GLDC: variants seen among roughly 807,000 people sequenced by gnomAD.
GLDC encodes the protein glycine decarboxylase.
Under a neutral mutation model 121.3 loss-of-function variants are expected in GLDC, and 104 were observed. That is an observed-to-expected ratio of 0.86 (90% confidence interval 0.73 to 1.01). The LOEUF is 1.01. Among genes scored for constraint, GLDC ranks in the 50% least tolerant of loss-of-function variants. GLDC has a pLI of 0.00. For synonymous variants in GLDC, 546 were observed against 480.6 expected, an observed-to-expected ratio of 1.14 and a Z score of -1.78; for missense variants, 1,429 against 1,306.6, an observed-to-expected ratio of 1.09 and a Z score of -1.44.
intron 15 of GLDC, among the ~76,000 whole-genome samples, chr9:6,579,606 A>T (rs567620291): frequency 2.2e-4 from 34 of 151,974 alleles, no homozygotes; most frequent in Non-Finnish European, 4.1e-4. Context: ...TGATCCTCCT[A>T]TCTCAGCCTC....
intron 15 of GLDC, among the ~76,000 whole-genome samples, chr9:6,573,247 G>C (rs1452869788): frequency 6.6e-6 from 1 of 151,994 alleles, no homozygotes; most frequent in East Asian, 1.9e-4. Flanking sequence ...GATCACCTGA[G>C]GTCAGGAGTT....
chr9:6,595,860 C>T (rs890039354), intron 8 of GLDC, among the ~76,000 whole-genome samples: 1 of 152,142 alleles, frequency 6.6e-6, no homozygotes, highest in Non-Finnish European at 1.5e-5. Flanking sequence ...AATACTGGGT[C>T]CATTTTGTTA....
At chr9:6,630,614 C>A (rs1289994252) in intron 2 of GLDC, among the ~76,000 whole-genome samples, 1 of 152,122 alleles carries the variant, frequency 6.6e-6, no homozygotes, top group Non-Finnish European at 1.5e-5. Context: ...AAAGCTGGGG[C>A]CAGAATGTGA....
rs1404757878 is a variant in GLDC at position 6,565,509 on chromosome 9, C to T, written c.1851-80G>A. 3 of 1,066,234 alleles carry T rather than the reference C, an allele frequency of 2.8e-6. No homozygotes were observed. The South Asian group carries it at 3.8e-5, about 13-fold the overall frequency. 66.0% of individuals were successfully genotyped at this position (1,066,234 alleles called of 1,614,324 possible). ...TCATTCAATATTTATTGGGCCCTGG[C>T]CAGGGGTTCACCAGCACGTGACACA... is the stretch of plus-strand genomic sequence containing the variant. On this transcript the variant is annotated intron_variant, in intron 15 of 24. Transcript: ENST00000321612.
intron 15 of GLDC, among the ~76,000 whole-genome samples, chr9:6,586,220 A>G (rs1436490671): frequency 6.6e-6 from 1 of 152,132 alleles, no homozygotes; most frequent in Non-Finnish European, 1.5e-5. Flanking sequence ...TCTTGAATGC[A>G]GGAGGCAGAG....
At chr9:6,572,336 G>A (rs1250583624) in intron 15 of GLDC, among the ~76,000 whole-genome samples, 1 of 152,210 alleles carries the variant, frequency 6.6e-6, no homozygotes, top group Non-Finnish European at 1.5e-5. Context: ...TGGACATGCT[G>A]TCAATGTGCT....
chr9:6,614,223 C>A (rs1818923473), intron 3 of GLDC, among the ~76,000 whole-genome samples: 1 of 151,756 alleles, frequency 6.6e-6, no homozygotes, highest in Non-Finnish European at 1.5e-5. Context: ...TATTAAGAAG[C>A]ACTGGCTTTT....
At chr9:6,607,565 G>C (rs1415070590) in intron 4 of GLDC, among the ~76,000 whole-genome samples, 4 of 152,138 alleles carry the variant, frequency 2.6e-5, no homozygotes, top group African/African-American at 9.7e-5. Context: ...CTAGGCCACA[G>C]AGCGAGACTC....
chr9:6,554,892 A>G, intron 18 of GLDC, 111 bp from the exon 19 acceptor site: 2 of 777,550 alleles, frequency 2.6e-6, no homozygotes, highest in East Asian at 2.7e-5. Context: ...AAAAGCAGGC[A>G]GAGCCACATC....
intron 8 of GLDC, among the ~76,000 whole-genome samples, chr9:6,598,556 G>C (rs567693070): frequency 6.6e-6 from 1 of 152,308 alleles, no homozygotes; most frequent in African/African-American, 2.4e-5. Flanking sequence ...TACAACAGAA[G>C]GCGGGGGTCA....
chr9:6,589,127 G>T, intron 12 of GLDC, 68 bp downstream of exon 12: 1 of 950,900 alleles, frequency 1.1e-6, no homozygotes, highest in Non-Finnish European at 1.7e-6. Flanking sequence ...ATCAGCAGCA[G>T]CACTCTGCCT....
intron 15 of GLDC, among the ~76,000 whole-genome samples, chr9:6,575,061 G>C (rs1818037219): frequency 6.6e-6 from 1 of 152,016 alleles, no homozygotes; most frequent in Non-Finnish European, 1.5e-5. Context: ...TCTTAGCCAG[G>C]TGTGGTGGCG....
At chr9:6,590,379 C>T (rs1359343302) in intron 11 of GLDC, among the ~76,000 whole-genome samples, 1 of 152,140 alleles carries the variant, frequency 6.6e-6, no homozygotes, top group African/African-American at 2.4e-5. Flanking sequence ...CTTGTCCCCT[C>T]CAGATCTCAG....
chr9:6,627,219 C>A (rs573721850), intron 2 of GLDC, among the ~76,000 whole-genome samples: 61 of 150,050 alleles, frequency 4.1e-4, no homozygotes, highest in African/African-American at 1.5e-3. Flanking sequence ...TGGCGTGAAC[C>A]CAGGAGGCAG....
At chr9:6,572,248 A>G (rs1027639955) in intron 15 of GLDC, among the ~76,000 whole-genome samples, 2 of 152,240 alleles carry the variant, frequency 1.3e-5, no homozygotes, top group Non-Finnish European at 2.9e-5. Context: ...GAACGGGAGA[A>G]AGTATCTGCA....
intron 21 of GLDC, among the ~76,000 whole-genome samples, chr9:6,545,932 T>A (rs956678551): frequency 6.6e-6 from 1 of 152,182 alleles, no homozygotes; most frequent in Non-Finnish European, 1.5e-5. Flanking sequence ...TGAGCCACCA[T>A]GCCCAGCGTA....
chr9:6,564,247 CAAAA>C (rs755108263), intron 16 of GLDC, among the ~76,000 whole-genome samples: 3 of 115,186 alleles, frequency 2.6e-5, no homozygotes, highest in African/African-American at 9.7e-5. Context: ...GACTCCATCT[CAAAA>C]AAAAAAAAAA....
intron 15 of GLDC, among the ~76,000 whole-genome samples, chr9:6,579,229 C>G (rs1350997764): frequency 6.6e-6 from 1 of 152,048 alleles, no homozygotes; most frequent in African/African-American, 2.4e-5. Context: ...ATCCTTGTGA[C>G]TATTTTATCT....
At position 6,532,759 on chromosome 9, in the gene GLDC, AC is replaced by A. The variant is rs1817026246; in HGVS notation, c.*257del. 1 of 473,006 alleles carries A rather than the reference AC, an allele frequency of 2.1e-6. No homozygotes were observed. The highest frequency in any genetic ancestry group is 2.0e-5 in the African/African-American group (1 of 51,016). 29.3% of individuals were successfully genotyped at this position (473,006 alleles called of 1,614,324 possible). ...AAAGTTAAAGTTCCTAAAACTTTCT[AC>A]GCAAAACACAAAATGGCTCCCAATC... On this transcript the variant is annotated 3_prime_UTR_variant, in exon 25 of 25. Coordinates refer to ENST00000321612, the MANE Select transcript of GLDC (RefSeq NM_000170.3).
Sources: allele counts gnomAD v4.1 joint callset (sites outside exome capture counted in the v4.1 genomes callset), GRCh38; gene constraint gnomAD v4.1.1; transcripts MANE v1.5; gene names NCBI Gene and HGNC (gene_info 2026-07-23, HGNC 2026-07-21).